Variants in BANF1 observed in about 807,000 individuals in gnomAD.
BANF1 encodes barrier to autointegration nuclear assembly factor 1.
For synonymous variants in BANF1, 49 were observed against 43.7 expected (o/e 1.12, Z -0.48); for missense variants, 47 against 110.4 (o/e 0.43, Z 2.57).
Position 66,003,968 on chromosome 11 carries a change from G to A in BANF1, c.*196G>A, listed in dbSNP as rs1467160539. 3 of 673,356 alleles carry A rather than the reference G, an allele frequency of 4.5e-6. No homozygotes were observed. Among genetic ancestry groups the A allele is most frequent in the African/African-American group, 1.8e-5 (1 of 54,992 alleles). 41.7% of individuals were successfully genotyped at this position (673,356 alleles called of 1,614,324 possible). ...ATTCTCGCTCTTGCATGCCTCCCCC[G>A]TCCTTTTTCCCTTGCCAGTTCCCTG... On this transcript the variant is annotated 3_prime_UTR_variant, in exon 3 of 3. Coordinates refer to ENST00000312175, the MANE Select transcript of BANF1 (RefSeq NM_003860.4).
Position 66,002,527 on chromosome 11 carries a change from C to G in BANF1, c.-60C>G, listed in dbSNP as rs554069413. 48 of 152,668 alleles carry G rather than the reference C, an allele frequency of 3.1e-4. 2 individuals are homozygous for G. Among genetic ancestry groups the G allele is most frequent in the Admixed American group, 2.1e-3 (32 of 15,290 alleles). The allele number at this position is 152,668 out of a possible 1,614,324, so 9.5% of individuals were successfully genotyped here. On this transcript the variant is annotated 5_prime_UTR_variant, in exon 1 of 3. Coordinates refer to ENST00000312175, the MANE Select transcript of BANF1 (RefSeq NM_003860.4). ...TAGTGGCTTGAGGTATCCGCAGGAG[C>G]GGCCGGGTGGCGGGAGGAACCGTTA...
rs1856071506 is a variant in BANF1, at chr11:66,003,828, G to A, written c.*56G>A. ...CTCATCCAGAGTTTGCAGCCGAGTA[G>A]GGACTCCTCCCCTGTCCTCTACGAA... is the stretch of plus-strand genomic sequence containing the variant. On this transcript the variant is annotated 3_prime_UTR_variant, in exon 3 of 3. Transcript: ENST00000312175. 1.9e-6 allele frequency: 3 copies of A among 1,610,800 alleles called. No individual in the cohort carries two copies. The highest frequency in any genetic ancestry group is 3.3e-5 in the Admixed American group (2 of 59,974).
Position 66,004,082 on chromosome 11 carries a change from C to G in BANF1, c.*310C>G. On this transcript the variant is annotated 3_prime_UTR_variant, in exon 3 of 3. Coordinates refer to ENST00000312175, the MANE Select transcript of BANF1 (RefSeq NM_003860.4). ...CAATCCGTTTGATACCATTTGGCTC[C>G]TTTTTTGGCAGAACAGTCACTGTCC... 2 of 405,624 alleles carry G rather than the reference C, an allele frequency of 4.9e-6. No homozygotes were observed. Among genetic ancestry groups the G allele is most frequent in the Non-Finnish European group, 9.3e-6 (2 of 214,410 alleles). The allele number at this position is 405,624 out of a possible 1,614,324, so 25.1% of individuals were successfully genotyped here.
chr11:66,003,984 C>T lies in BANF1; in HGVS notation c.*212C>T, dbSNP rs940318848. On this transcript the variant is annotated 3_prime_UTR_variant, in exon 3 of 3. Transcript: ENST00000312175. ...GCCTCCCCCGTCCTTTTTCCCTTGC[C>T]AGTTCCCTGGTGACAGTTACCAGCT... The T allele has an allele frequency of 1.7e-6, 1 of 598,154 alleles. No individual in the cohort carries two copies. Among genetic ancestry groups the T allele is most frequent in the South Asian group, 1.9e-5 (1 of 51,874 alleles). 37.1% of individuals were successfully genotyped at this position (598,154 alleles called of 1,614,324 possible).
chr11:66,003,829 G>C lies in BANF1; in HGVS notation c.*57G>C, dbSNP rs1332346810. 1.8e-5 allele frequency: 29 copies of C among 1,610,112 alleles called. No homozygotes were observed. Among genetic ancestry groups the C allele is most frequent in the African/African-American group, 4.0e-5 (3 of 74,786 alleles). On this transcript the variant is annotated 3_prime_UTR_variant, in exon 3 of 3. Coordinates refer to ENST00000312175, the MANE Select transcript of BANF1 (RefSeq NM_003860.4). ...TCATCCAGAGTTTGCAGCCGAGTAGGGACTCCTCCCCTGTCCTCTACGAAG... is the reference window on the plus strand; with the variant it reads ...TCATCCAGAGTTTGCAGCCGAGTAGCGACTCCTCCCCTGTCCTCTACGAAG...
At chr11:66,003,574 A>ATC in intron 2 of BANF1, 52 bp from the exon 3 acceptor site, 1 of 1,585,878 alleles carries the variant, frequency 6.3e-7, no homozygotes, top group South Asian at 1.1e-5. Context: ...TCTTGCTCTT[A>ATC]TCTCTCACTG....
chr11:66,003,873 G>A lies in BANF1; in HGVS notation c.*101G>A, dbSNP rs1856074434. The A allele has an allele frequency of 5.2e-6, 8 of 1,546,266 alleles. No homozygotes were observed. Among genetic ancestry groups the A allele is most frequent in the African/African-American group, 4.1e-5 (3 of 73,358 alleles). On this transcript the variant is annotated 3_prime_UTR_variant, in exon 3 of 3. Coordinates refer to ENST00000312175, the MANE Select transcript of BANF1 (RefSeq NM_003860.4). ...TACGAAGGAAAAGATTGCTATTGTCGTACTCACCTCCGACGTACTCCGGGG... is the reference window on the plus strand; with the variant it reads ...TACGAAGGAAAAGATTGCTATTGTCATACTCACCTCCGACGTACTCCGGGG...
intron 2 of BANF1, 123 bp from the exon 3 acceptor site, chr11:66,003,503 G>C: frequency 4.4e-6 from 7 of 1,608,946 alleles, no homozygotes; most frequent in Middle Eastern, 1.7e-4. Context: ...GGAGAGGAGA[G>C]GGGGGCAAAA....
At chr11:66,002,779 C>CGT (rs1260847361) in intron 1 of BANF1, 4 of 160,848 alleles carry the variant, frequency 2.5e-5, no homozygotes, top group Non-Finnish European at 4.1e-5. Context: ...TGGGGCGCGG[C>CGT]GTGAACCCCG....
At position 66,003,880 on chromosome 11, in the gene BANF1, C is replaced by T; in HGVS notation, c.*108C>T. On this transcript the variant is annotated 3_prime_UTR_variant, in exon 3 of 3. Transcript: ENST00000312175. ...GAAAAGATTGCTATTGTCGTACTCA[C>T]CTCCGACGTACTCCGGGGTCTTTTG... 7 of 1,503,462 alleles carry T rather than the reference C, an allele frequency of 4.7e-6. No individual in the cohort carries two copies. Among genetic ancestry groups the T allele is most frequent in the Non-Finnish European group, 5.5e-6 (6 of 1,095,858 alleles). 93.1% of individuals were successfully genotyped at this position (1,503,462 alleles called of 1,614,324 possible).
Position 66,003,897 on chromosome 11 carries a change from G to T in BANF1, c.*125G>T. On this transcript the variant is annotated 3_prime_UTR_variant, in exon 3 of 3. Transcript: ENST00000312175. ...CGTACTCACCTCCGACGTACTCCGG[G>T]GTCTTTTGGGAGTTTTCTCCCCTAA... The T allele has an allele frequency of 7.1e-7, 1 of 1,407,222 alleles. No individual in the cohort carries two copies. Among genetic ancestry groups the T allele is most frequent in the Non-Finnish European group, 9.8e-7 (1 of 1,022,490 alleles). 87.2% of individuals were successfully genotyped at this position (1,407,222 alleles called of 1,614,324 possible).
chr11:66,002,959 C>T (rs1856038854), intron 1 of BANF1: 3 of 438,542 alleles, frequency 6.8e-6, no homozygotes, highest in Non-Finnish European at 8.5e-6. Context: ...TGGCTACGGA[C>T]TCTGGGCATC....
In BANF1 at chr11:66,003,964, C is replaced by T. The variant is rs1856077235; in HGVS notation, c.*192C>T. The T allele has an allele frequency of 2.9e-6, 2 of 690,962 alleles. No individual in the cohort carries two copies. Among genetic ancestry groups the T allele is most frequent in the South Asian group, 3.6e-5 (2 of 55,234 alleles). The allele number at this position is 690,962 out of a possible 1,614,324, so 42.8% of individuals were successfully genotyped here. A position where few individuals can be genotyped will look rare whatever the true frequency, so the allele number is the denominator to read the frequency against. On this transcript the variant is annotated 3_prime_UTR_variant, in exon 3 of 3. Coordinates refer to ENST00000312175, the MANE Select transcript of BANF1 (RefSeq NM_003860.4). ...TTGGATTCTCGCTCTTGCATGCCTC[C>T]CCCGTCCTTTTTCCCTTGCCAGTTC...
At chr11:66,003,502 A>AG in intron 2 of BANF1, 124 bp from the exon 3 acceptor site, 17 of 1,608,242 alleles carry the variant, frequency 1.1e-5, no homozygotes, top group Non-Finnish European at 1.4e-5. Flanking sequence ...TGGAGAGGAG[A>AG]GGGGGGCAAA....
chr11:66,003,168 A>G, intron 1 of BANF1, 67 bp from the exon 2 acceptor site: 1 of 1,564,294 alleles, frequency 6.4e-7, no homozygotes, highest in East Asian at 2.3e-5. Flanking sequence ...TTACTATGAG[A>G]TTGCTCGTGG....
intron 1 of BANF1, 147 bp downstream of exon 1, chr11:66,002,717 A>G (rs1590668711): frequency 9.6e-6 from 1 of 104,244 alleles, no homozygotes; most frequent in Non-Finnish European, 1.9e-5. Flanking sequence ...AGCGCGTGGG[A>G]GCCGGGCCGC....
chr11:66,002,880 G>A (rs138717833), intron 1 of BANF1: 2 of 332,042 alleles, frequency 6.0e-6, no homozygotes, highest in South Asian at 2.5e-5. Flanking sequence ...CCAAGTGGCC[G>A]TTCCAGGCAG....
chr11:66,002,973 C>A, intron 1 of BANF1: 1 of 459,880 alleles, frequency 2.2e-6, no homozygotes, highest in Non-Finnish European at 4.0e-6. Flanking sequence ...GGGCATCTTT[C>A]CACTGCCCCG....
chr11:66,003,601 C>G (rs745445839), intron 2 of BANF1, 25 bp from the exon 3 acceptor site: 1 of 1,613,934 alleles, frequency 6.2e-7, no homozygotes, highest in South Asian at 1.1e-5. Flanking sequence ...GAGCAGCACG[C>G]TCCTTCCTTT....
Sources: gnomAD v4.1 joint callset for allele counts on GRCh38, gnomAD v4.1.1 for gene constraint, MANE v1.5 for transcripts, NCBI Gene and HGNC (gene_info 2026-07-23, HGNC 2026-07-21) for gene names.